LRRC70: variants seen among roughly 807,000 people sequenced by gnomAD.
LRRC70 encodes leucine rich repeat containing 70, also known as leucine-rich repeat-containing protein 70.
A neutral mutation model predicts 42.4 loss-of-function variants in LRRC70; 31 were observed. That is an observed-to-expected ratio of 0.73 (90% CI 0.55 to 0.99). LRRC70 has a LOEUF of 0.99. Ranked by LOEUF, LRRC70 falls within the 50% of genes least tolerant of loss-of-function variation. The pLI, the probability that LRRC70 is intolerant of heterozygous loss-of-function variation, is 0.00. For missense variants in LRRC70, 643 were observed against 707.5 expected, an observed-to-expected ratio of 0.91 and a Z score of 1.03; for synonymous variants, 270 against 262.9, an observed-to-expected ratio of 1.03 and a Z score of -0.26.
Position 62,580,693 on chromosome 5 carries a change from A to G in LRRC70, c.1255A>G (p.Lys419Glu). 6.4e-7 allele frequency: 1 copy of G among 1,551,468 alleles called. No individual in the cohort carries two copies. The change falls in exon 2 of 2, where the codon AAA becomes GAA. Residue 419 changes from lysine (K) to glutamate (E), a missense_variant. By Grantham distance (56) the Lys-to-Glu change is moderately conservative. Coordinates refer to ENST00000334994, the MANE Select transcript of LRRC70 (RefSeq NM_181506.5). ...INVSRAWAVV[K>E]SPHIHHKTTA... Reference sequence around the variant, plus strand: ...TGTATCCAGAGCTTGGGCTGTTGTAAAATCTCCTCATATTCATCACAAGAC... The same window carrying G: ...TGTATCCAGAGCTTGGGCTGTTGTAGAATCTCCTCATATTCATCACAAGAC...
Position 62,579,690 on chromosome 5 carries a change from T to C in LRRC70, c.252T>C (p.His84=). The part of the protein sequence containing the change: ...YINESELTGL[H]SLVALYLDNS... ...ATGAAAGTGAATTAACAGGACTTCA[T>C]TCTCTTGTAGCATTGTATTTGGATA... The change falls in exon 2 of 2, where the codon CAT becomes CAC. Residue 84 remains histidine, a synonymous_variant. Transcript: ENST00000334994. 2.6e-6 allele frequency: 4 copies of C among 1,548,372 alleles called. No individual in the cohort carries two copies. The highest frequency in any genetic ancestry group is 3.5e-6 in the Non-Finnish European group (4 of 1,145,492).
rs553995374 is a variant in LRRC70, at chr5:62,579,747, C to G, written c.309C>G (p.Ala103=). ...NSNILYVYPK[A]FVQLRHLYFL... ...ACATTCTGTATGTATATCCAAAAGC[C>G]TTTGTTCAATTGAGGCATCTATATT... Residue 103 remains alanine (A), a synonymous_variant, in exon 2 of 2, where the codon GCC becomes GCG. Coordinates refer to ENST00000334994, the MANE Select transcript of LRRC70 (RefSeq NM_181506.5). 1.9e-6 allele frequency: 3 copies of G among 1,547,190 alleles called. No homozygotes were observed. In the South Asian group the frequency reaches 3.6e-5, roughly 19 times the overall value.
chr5:62,579,790 A>G lies in LRRC70; in HGVS notation c.352A>G (p.Asn118Asp). The G allele has an allele frequency of 6.5e-7, 1 of 1,543,142 alleles. No homozygotes were observed. The highest frequency in any genetic ancestry group is 8.8e-7 in the Non-Finnish European group (1 of 1,141,548). The change falls in exon 2 of 2, where the codon AAT becomes GAT. Residue 118 changes from asparagine to aspartate, a missense_variant. Coordinates refer to ENST00000334994, the MANE Select transcript of LRRC70 (RefSeq NM_181506.5). ...TCTATATTTTCTATTTCTAAATAAT[A>G]ATTTCATCAAACGCTTAGATCCTGG... ...RHLYFLFLNN[N>D]FIKRLDPGIF...
Position 62,581,103 on chromosome 5 carries a change from A to G in LRRC70, c.1665A>G (p.Lys555=). 5 of 1,549,418 alleles carry G rather than the reference A, an allele frequency of 3.2e-6. No individual in the cohort carries two copies. The highest frequency in any genetic ancestry group is 4.4e-6 in the Non-Finnish European group (5 of 1,146,394). Residue 555 remains lysine, a synonymous_variant, in exon 2 of 2, where the codon AAA becomes AAG. Coordinates refer to ENST00000334994, the MANE Select transcript of LRRC70 (RefSeq NM_181506.5). ...LIYKVVQFKQ[K]LKASENSREN... ...ACAAAGTTGTTCAGTTTAAACAAAA[A>G]CTAAAGGCATCAGAAAACTCAAGGG...
At position 62,580,339 on chromosome 5, in the gene LRRC70, A is replaced by G. The variant is rs1369602175; in HGVS notation, c.901A>G (p.Asn301Asp). Residue 301 changes from asparagine (N) to aspartate (D), a missense_variant, in exon 2 of 2, where the codon AAT becomes GAT. Transcript: ENST00000334994. ...TTCTGACACATTCAGTTTGTTAAAG[A>G]ATTTAATTTACCTTAAGTTAGATAG... ...LNSDTFSLLK[N>D]LIYLKLDRNR... The G allele has an allele frequency of 3.2e-6, 5 of 1,541,460 alleles. No homozygotes were observed. The highest frequency in any genetic ancestry group is 3.5e-6 in the Non-Finnish European group (4 of 1,138,018).
intron 1 of LRRC70, 138 bp downstream of exon 1, chr5:62,579,073 T>A: frequency 7.8e-6 from 2 of 257,382 alleles, no homozygotes; most frequent in Non-Finnish European, 1.5e-5. Flanking sequence ...TTAGACTTTA[T>A]GTTGTTAAAG....
chr5:62,581,003 A>G lies in LRRC70; in HGVS notation c.1565A>G (p.Glu522Gly). 1 of 1,551,292 alleles carries G rather than the reference A, an allele frequency of 6.4e-7. No homozygotes were observed. The highest frequency in any genetic ancestry group is 8.7e-7 in the Non-Finnish European group (1 of 1,146,838). Reference sequence around the variant, plus strand: ...TCTCTAATTTGTACACAAGAAGTTGAGAAGTTGAATGAGGCTTTTGACATT... The same window carrying G: ...TCTCTAATTTGTACACAAGAAGTTGGGAAGTTGAATGAGGCTTTTGACATT... ...KTSLICTQEV[E>G]KLNEAFDILL... The change falls in exon 2 of 2, where the codon GAG becomes GGG. Residue 522 changes from glutamate to glycine, a missense_variant. Coordinates refer to ENST00000334994, the MANE Select transcript of LRRC70 (RefSeq NM_181506.5).
At position 62,580,206 on chromosome 5, in the gene LRRC70, C is replaced by A. The variant is rs530202454; in HGVS notation, c.768C>A (p.Tyr256Ter). Residue 256 changes from tyrosine to a stop codon, truncating the protein, a stop_gained, in exon 2 of 2, where the codon TAC becomes TAA. Transcript: ENST00000334994. LOFTEE classifies it high-confidence loss of function. ...TTAAAGGACTTGCCAATCTGGAATA[C>A]CTCCTCCTGAAAAATTCAAGAATTA... ...FAFKGLANLE[Y>*]LLLKNSRIRN... The A allele has an allele frequency of 4.7e-5, 73 of 1,551,002 alleles. 1 individual carries two copies. The Admixed American group carries it at 1.2e-3, about 26-fold the overall frequency.
At position 62,579,269 on chromosome 5, in the gene LRRC70, T is replaced by TA; in HGVS notation, c.-38-131dup. ...TTCCATACTCATTATTTTTTGCTAT[T>TA]ACCATGGTATGATTTATGATAGTAT... On this transcript the variant is annotated intron_variant, in intron 1 of 1. Coordinates refer to ENST00000334994, the MANE Select transcript of LRRC70 (RefSeq NM_181506.5). 5 of 655,852 alleles carry TA rather than the reference T, an allele frequency of 7.6e-6. No homozygotes were observed. The South Asian group carries it at 9.5e-5, about 13-fold the overall frequency. 40.6% of individuals were successfully genotyped at this position (655,852 alleles called of 1,614,324 possible). A position where few individuals can be genotyped will look rare whatever the true frequency, so the allele number is the denominator to read the frequency against.
chr5:62,580,368 CA>C lies in LRRC70; in HGVS notation c.931del (p.Arg311GlufsTer2). ...TAATTTACCTTAAGTTAGATAGAAA[CA>C]GAATAATTAGCATTGATAATGATAC... ...NLIYLKLDRN[R>X]IISIDNDTFE... On this transcript the variant is annotated frameshift_variant, in exon 2 of 2. Coordinates refer to ENST00000334994, the MANE Select transcript of LRRC70 (RefSeq NM_181506.5). LOFTEE classifies it high-confidence loss of function. 1 of 1,547,032 alleles carries C rather than the reference CA, an allele frequency of 6.5e-7. No individual in the cohort carries two copies. The highest frequency in any genetic ancestry group is 8.7e-7 in the Non-Finnish European group (1 of 1,142,922).
At position 62,580,255 on chromosome 5, in the gene LRRC70, A is replaced by T; in HGVS notation, c.817A>T (p.Ser273Cys). ...RIRNVTRDGFSGINNLKHLIL... is the reference protein window; with the variant it reads ...RIRNVTRDGFCGINNLKHLIL... Reference sequence around the variant, plus strand: ...TAGGAATGTTACTAGGGATGGGTTTAGTGGAATTAATAATCTTAAACATTT... The same window carrying T: ...TAGGAATGTTACTAGGGATGGGTTTTGTGGAATTAATAATCTTAAACATTT... Residue 273 changes from serine to cysteine, a missense_variant, in exon 2 of 2, where the codon AGT becomes TGT. By Grantham distance (112) the Ser-to-Cys change is moderately radical. Coordinates refer to ENST00000334994, the MANE Select transcript of LRRC70 (RefSeq NM_181506.5). 6.5e-7 allele frequency: 1 copy of T among 1,544,916 alleles called. No homozygotes were observed. The highest frequency in any genetic ancestry group is 2.4e-5 in the East Asian group (1 of 40,852).
Position 62,581,274 on chromosome 5 carries a change from A to G in LRRC70, c.1836A>G (p.Ala612=). ...LHKQIVPENE[A]QVILFEHSAL Reference sequence around the variant, plus strand: ...AACAAATTGTTCCTGAAAATGAGGCACAGGTCATTCTTTTTGAACATTCTG... The same window carrying G: ...AACAAATTGTTCCTGAAAATGAGGCGCAGGTCATTCTTTTTGAACATTCTG... The change falls in exon 2 of 2, where the codon GCA becomes GCG. Residue 612 remains alanine (A), a synonymous_variant. Transcript: ENST00000334994. 2 of 1,534,504 alleles carry G rather than the reference A, an allele frequency of 1.3e-6. No homozygotes were observed. Among genetic ancestry groups the G allele is most frequent in the East Asian group, 2.4e-5 (1 of 40,842 alleles).
Position 62,580,556 on chromosome 5 carries a change from G to C in LRRC70, c.1118G>C (p.Trp373Ser). The C allele has an allele frequency of 1.3e-6, 2 of 1,551,386 alleles. No individual in the cohort carries two copies. The highest frequency in any genetic ancestry group is 4.9e-5 in the East Asian group (2 of 40,914). ...TGCAAACTTTTGGGCCTTCGAGACT[G>C]GCTAGCATCTTCAGCCATTACTCTA... ...CNCKLLGLRD[W>S]LASSAITLNI... Residue 373 changes from tryptophan (W) to serine (S), a missense_variant, in exon 2 of 2, where the codon TGG becomes TCG. By Grantham distance (177) the Trp-to-Ser change is radical (BLOSUM62 -3). Coordinates refer to ENST00000334994, the MANE Select transcript of LRRC70 (RefSeq NM_181506.5).
At position 62,579,994 on chromosome 5, in the gene LRRC70, G is replaced by T. The variant is rs1259334174; in HGVS notation, c.556G>T (p.Asp186Tyr). ...FVGMVALRIL[D>Y]LSNNNILRIS... is the part of the protein sequence containing the mutation. Reference sequence around the variant, plus strand: ...TGGTATGGTTGCTCTTCGGATACTTGATTTATCAAACAATAACATTTTGAG... The same window carrying T: ...TGGTATGGTTGCTCTTCGGATACTTTATTTATCAAACAATAACATTTTGAG... Residue 186 changes from aspartate to tyrosine, a missense_variant, in exon 2 of 2, where the codon GAT becomes TAT. Transcript: ENST00000334994. The T allele has an allele frequency of 6.4e-7, 1 of 1,551,176 alleles. No individual in the cohort carries two copies. Among genetic ancestry groups the T allele is most frequent in the Non-Finnish European group, 8.7e-7 (1 of 1,146,706 alleles).
rs1319477174 is a variant in LRRC70, at chr5:62,580,977, A to T, written c.1539A>T (p.Thr513=). ...PNDAASMSGK[T]SLICTQEVEK... Reference sequence around the variant, plus strand: ...ATGCTGCTTCAATGTCAGGGAAAACATCTCTAATTTGTACACAAGAAGTTG... The same window carrying T: ...ATGCTGCTTCAATGTCAGGGAAAACTTCTCTAATTTGTACACAAGAAGTTG... Residue 513 remains threonine (T), a synonymous_variant, in exon 2 of 2, where the codon ACA becomes ACT. Coordinates refer to ENST00000334994, the MANE Select transcript of LRRC70 (RefSeq NM_181506.5). 1 of 1,551,186 alleles carries T rather than the reference A, an allele frequency of 6.4e-7. No individual in the cohort carries two copies. Among genetic ancestry groups the T allele is most frequent in the South Asian group, 1.2e-5 (1 of 83,974 alleles).
rs1468052790 is a variant in LRRC70 at position 62,580,359 on chromosome 5, A to G, written c.921A>G (p.Leu307=). The G allele has an allele frequency of 1.3e-6, 2 of 1,545,198 alleles. No individual in the cohort carries two copies. The highest frequency in any genetic ancestry group is 4.9e-5 in the East Asian group (2 of 40,856). ...TAAAGAATTTAATTTACCTTAAGTTAGATAGAAACAGAATAATTAGCATTG... is the reference window on the plus strand; with the variant it reads ...TAAAGAATTTAATTTACCTTAAGTTGGATAGAAACAGAATAATTAGCATTG... The part of the protein sequence containing the change: ...SLLKNLIYLK[L]DRNRIISIDN... Residue 307 remains leucine (L), a synonymous_variant, in exon 2 of 2, where the codon TTA becomes TTG. Coordinates refer to ENST00000334994, the MANE Select transcript of LRRC70 (RefSeq NM_181506.5).
chr5:62,580,628 G>A lies in LRRC70; in HGVS notation c.1190G>A (p.Arg397His), dbSNP rs1488768757. Residue 397 changes from arginine (R) to histidine (H), a missense_variant, in exon 2 of 2, where the codon CGT (arginine) becomes CAT (histidine). By Grantham distance (29) the Arg-to-His change is conservative. Transcript: ENST00000334994. ...CCATCCATGCGTGGCAGAGCATTAC[G>A]TTATATTAACATTACAAATTGTGTT... ...NPPSMRGRAL[R>H]YINITNCVTS... is the part of the protein sequence containing the mutation. 7 of 1,551,294 alleles carry A rather than the reference G, an allele frequency of 4.5e-6. No individual in the cohort carries two copies. Among genetic ancestry groups the A allele is most frequent in the Admixed American group, 2.0e-5 (1 of 50,966 alleles).
chr5:62,579,769 T>C lies in LRRC70; in HGVS notation c.331T>C (p.Tyr111His). The change falls in exon 2 of 2, where the codon TAT becomes CAT. Residue 111 changes from tyrosine to histidine, a missense_variant. By Grantham distance (83) the Tyr-to-His change is moderately conservative (BLOSUM62 2). Coordinates refer to ENST00000334994, the MANE Select transcript of LRRC70 (RefSeq NM_181506.5). ...AGCCTTTGTTCAATTGAGGCATCTA[T>C]ATTTTCTATTTCTAAATAATAATTT... ...PKAFVQLRHL[Y>H]FLFLNNNFIK... 6.5e-7 allele frequency: 1 copy of C among 1,543,014 alleles called. No individual in the cohort carries two copies. The highest frequency in any genetic ancestry group is 8.8e-7 in the Non-Finnish European group (1 of 1,141,256).
chr5:62,580,005 CAAT>C lies in LRRC70; in HGVS notation c.570_572del (p.Asn191del). 1 of 1,551,212 alleles carries C rather than the reference CAAT, an allele frequency of 6.4e-7. No homozygotes were observed. Among genetic ancestry groups the C allele is most frequent in the Non-Finnish European group, 8.7e-7 (1 of 1,146,726 alleles). ...CTCTTCGGATACTTGATTTATCAAA[CAAT>C]AACATTTTGAGGATATCAGAATCAG... On this transcript the variant is annotated inframe_deletion, in exon 2 of 2. Transcript: ENST00000334994.
Sources: allele counts gnomAD v4.1 joint callset, GRCh38; gene constraint gnomAD v4.1.1; transcripts MANE v1.5; gene names NCBI Gene and HGNC (gene_info 2026-07-23, HGNC 2026-07-21).